CDK8: variants seen among roughly 807,000 people sequenced by gnomAD.
CDK8 encodes the protein cyclin-dependent kinase 8.
In CDK8, 29 loss-of-function variants were observed where a neutral mutation model predicts 71.5. That is an observed-to-expected ratio of 0.41 (90% CI 0.30 to 0.55). The LOEUF (loss-of-function observed/expected upper bound fraction) is 0.55, where lower values mean the gene tolerates loss of function less well. Ranked by LOEUF, CDK8 falls within the 20% of genes least tolerant of loss-of-function variation. The pLI, the probability that CDK8 is intolerant of heterozygous loss-of-function variation, is 0.37. For synonymous variants in CDK8, 161 were observed against 192.1 expected (o/e 0.84, Z 1.34); for missense variants, 288 against 572.6 (o/e 0.50, Z 5.07).
intron 1 of CDK8, among the ~76,000 whole-genome samples, chr13:26,310,595 G>C (rs556832287): frequency 2.6e-5 from 4 of 152,130 alleles, no homozygotes; most frequent in Non-Finnish European, 5.9e-5. Flanking sequence ...TCTCCTATGA[G>C]AATCTAATGT....
At chr13:26,263,913 A>AT (rs1871904602) in intron 1 of CDK8, among the ~76,000 whole-genome samples, 2 of 151,600 alleles carry the variant, frequency 1.3e-5, no homozygotes, top group Admixed American at 6.6e-5. Context: ...CGCCCGGCTA[A>AT]TTTTTTTGTA....
chr13:26,392,747 T>C (rs1875809406), intron 6 of CDK8, among the ~76,000 whole-genome samples: 1 of 152,136 alleles, frequency 6.6e-6, no homozygotes. Flanking sequence ...GAAAAAAAAC[T>C]TTGTTAAAGT....
chr13:26,319,010 T>C (rs757165062), intron 1 of CDK8, among the ~76,000 whole-genome samples: 1 of 152,154 alleles, frequency 6.6e-6, no homozygotes, highest in Non-Finnish European at 1.5e-5. Context: ...TATAATCTTA[T>C]ATATAGAAAA....
intron 1 of CDK8, among the ~76,000 whole-genome samples, chr13:26,283,005 A>G (rs1092422): frequency 0.83 from 126,290 of 152,206 alleles, 54,062 homozygotes; most frequent in East Asian, 0.99. Flanking sequence ...GCAGGAAAAT[A>G]TCACAGTCCT....
At chr13:26,352,928 A>G (rs1397691175) in intron 3 of CDK8, among the ~76,000 whole-genome samples, 1 of 152,168 alleles carries the variant, frequency 6.6e-6, no homozygotes, top group African/African-American at 2.4e-5. Flanking sequence ...ATTTACTTAC[A>G]TGTATTGGCC....
chr13:26,269,957 A>C (rs1194355832), intron 1 of CDK8, among the ~76,000 whole-genome samples: 1 of 152,182 alleles, frequency 6.6e-6, no homozygotes, highest in African/African-American at 2.4e-5. Flanking sequence ...CAAAGTAGGG[A>C]TATTAAATCC....
intron 6 of CDK8, among the ~76,000 whole-genome samples, chr13:26,392,767 GTTAATTC>G (rs1875810872): frequency 6.6e-6 from 1 of 152,268 alleles, no homozygotes; most frequent in East Asian, 1.9e-4. Flanking sequence ...TAGAAATGCT[GTTAATTC>G]TTAGGCGTTT....
At chr13:26,306,622 CTTTTT>C (rs554661537) in intron 1 of CDK8, among the ~76,000 whole-genome samples, 3 of 126,728 alleles carry the variant, frequency 2.4e-5, no homozygotes, top group Admixed American at 7.9e-5. Context: ...CCTTATTGCT[CTTTTT>C]TTTTTTTTTT....
intron 1 of CDK8, among the ~76,000 whole-genome samples, chr13:26,309,981 T>TA (rs1874213621): frequency 6.6e-6 from 1 of 151,738 alleles, no homozygotes; most frequent in Non-Finnish European, 1.5e-5. Context: ...GTCTCGAACT[T>TA]CTGACCTCAG....
At chr13:26,364,331 A>G (rs1221185064) in intron 4 of CDK8, among the ~76,000 whole-genome samples, 1 of 152,160 alleles carries the variant, frequency 6.6e-6, no homozygotes, top group African/African-American at 2.4e-5. Context: ...TGATTCAGTT[A>G]TGTATATTTG....
chr13:26,305,559 T>A (rs1874008423), intron 1 of CDK8, among the ~76,000 whole-genome samples: 1 of 152,164 alleles, frequency 6.6e-6, no homozygotes, highest in African/African-American at 2.4e-5. Context: ...CTTGTCCCTC[T>A]CTCTTTTTGG....
chr13:26,282,785 A>T (rs541221762), intron 1 of CDK8, among the ~76,000 whole-genome samples: 2 of 152,348 alleles, frequency 1.3e-5, no homozygotes, highest in South Asian at 4.1e-4. Flanking sequence ...AATGGATACA[A>T]GTCCACCAAC....
chr13:26,299,862 C>A (rs1042355313), intron 1 of CDK8, among the ~76,000 whole-genome samples: 5 of 152,138 alleles, frequency 3.3e-5, no homozygotes, highest in Non-Finnish European at 7.3e-5. Context: ...CTGTAAAGGG[C>A]CAGATAGTAA....
At chr13:26,329,217 A>G (rs544693661) in intron 1 of CDK8, among the ~76,000 whole-genome samples, 1 of 152,136 alleles carries the variant, frequency 6.6e-6, no homozygotes, top group Non-Finnish European at 1.5e-5. Flanking sequence ...ACTCTCTTTT[A>G]CCAAAACACT....
intron 1 of CDK8, among the ~76,000 whole-genome samples, chr13:26,309,265 G>A (rs917091056): frequency 4.6e-5 from 7 of 151,612 alleles, no homozygotes; most frequent in East Asian, 1.9e-4. Flanking sequence ...TCAGCCTCCC[G>A]AGTAGCTGGG....
intron 1 of CDK8, among the ~76,000 whole-genome samples, chr13:26,275,229 G>A (rs1872517977): frequency 1.3e-5 from 2 of 152,110 alleles, no homozygotes. Context: ...CTTGATGTTA[G>A]TCTTTGAAAA....
chr13:26,288,517 T>C (rs1357804325), intron 1 of CDK8, among the ~76,000 whole-genome samples: 1 of 152,034 alleles, frequency 6.6e-6, no homozygotes, highest in Admixed American at 6.6e-5. Context: ...CAATTTGTTA[T>C]TTAAAATCAC....
At chr13:26,273,807 A>G (rs1007453075) in intron 1 of CDK8, among the ~76,000 whole-genome samples, 3 of 152,100 alleles carry the variant, frequency 2.0e-5, no homozygotes, top group Admixed American at 6.5e-5. Context: ...AAATTACAGA[A>G]TAACTATCAA....
At chr13:26,305,108 T>C (rs1593251824) in intron 1 of CDK8, among the ~76,000 whole-genome samples, 1 of 152,242 alleles carries the variant, frequency 6.6e-6, no homozygotes, top group South Asian at 2.1e-4. Context: ...TTGGAATTAT[T>C]TTTTCTGACT....
Sources: gnomAD v4.1 joint callset for allele counts (sites outside exome capture counted in the v4.1 genomes callset) on GRCh38, gnomAD v4.1.1 for gene constraint, MANE v1.5 for transcripts, NCBI Gene and HGNC (gene_info 2026-07-23, HGNC 2026-07-21) for gene names.